The following CHCHD3 variants were observed in gnomAD, a reference collection of about 807,000 sequenced individuals.
CHCHD3 encodes the protein coiled-coil-helix-coiled-coil-helix domain containing 3.
Under a neutral mutation model 38.2 loss-of-function variants are expected in CHCHD3, and 20 were observed. The observed-to-expected ratio is 0.52, with a 90% CI of 0.37 to 0.76. The LOEUF is 0.76. Ranked by LOEUF, CHCHD3 falls within the 30% of genes least tolerant of loss-of-function variation. CHCHD3 has a pLI of 0.00. For synonymous variants in CHCHD3, 82 were observed against 100.0 expected, an observed-to-expected ratio of 0.82 and a Z score of 1.07; for missense variants, 245 against 279.2, an observed-to-expected ratio of 0.88 and a Z score of 0.87.
intron 4 of CHCHD3, among the ~76,000 whole-genome samples, chr7:132,963,031 G>T (rs1333390481): frequency 6.6e-6 from 1 of 151,598 alleles, no homozygotes; most frequent in Non-Finnish European, 1.5e-5. Flanking sequence ...TAAATTTATT[G>T]ATTTTGACAA....
intron 4 of CHCHD3, among the ~76,000 whole-genome samples, chr7:132,970,302 T>G (rs1186331299): frequency 1.3e-5 from 2 of 152,216 alleles, no homozygotes; most frequent in Non-Finnish European, 2.9e-5. Flanking sequence ...CCAGAAAATC[T>G]TTTCTATTCT....
At chr7:132,787,932 TG>T (rs1474815491) in intron 7 of CHCHD3, among the ~76,000 whole-genome samples, 2 of 152,088 alleles carry the variant, frequency 1.3e-5, no homozygotes, top group African/African-American at 4.8e-5. Context: ...GTAGGTGCAG[TG>T]GAAGATTGCT....
At chr7:132,918,179 A>G (rs1017445412) in intron 4 of CHCHD3, among the ~76,000 whole-genome samples, 3 of 152,358 alleles carry the variant, frequency 2.0e-5, no homozygotes, top group Middle Eastern at 3.4e-3. Context: ...AAAAAAATCT[A>G]TAGCATTGAA....
chr7:132,803,366 A>G (rs1806836482), intron 6 of CHCHD3, among the ~76,000 whole-genome samples: 1 of 151,508 alleles, frequency 6.6e-6, no homozygotes, highest in African/African-American at 2.5e-5. Flanking sequence ...TATTATTACT[A>G]TTATTAAATA....
intron 1 of CHCHD3, among the ~76,000 whole-genome samples, chr7:133,076,469 TTCAGCCCACTGAACTTGAC>T (rs1814994304): frequency 6.6e-6 from 1 of 152,208 alleles, no homozygotes. Context: ...TCTGCCGATA[TTCAGCCCACTGAACTTGAC>T]TGTCCACCCT....
At chr7:132,860,169 A>T (rs1808447812) in intron 5 of CHCHD3, among the ~76,000 whole-genome samples, 1 of 152,100 alleles carries the variant, frequency 6.6e-6, no homozygotes, top group Non-Finnish European at 1.5e-5. Context: ...GCTACTCTGG[A>T]GGCTGAGGCA....
intron 2 of CHCHD3, among the ~76,000 whole-genome samples, chr7:133,054,458 T>C (rs190896097): frequency 4.6e-5 from 7 of 152,264 alleles, no homozygotes; most frequent in Admixed American, 6.5e-5. Flanking sequence ...ATAAATATTA[T>C]ATAATGCAAG....
intron 5 of CHCHD3, among the ~76,000 whole-genome samples, chr7:132,868,296 G>A (rs1397773432): frequency 1.3e-5 from 2 of 152,114 alleles, no homozygotes; most frequent in Non-Finnish European, 2.9e-5. Flanking sequence ...ATTATTAGAT[G>A]TTTATACAGA....
chr7:132,820,987 T>G (rs1040914718), intron 6 of CHCHD3, among the ~76,000 whole-genome samples: 1 of 152,200 alleles, frequency 6.6e-6, no homozygotes, highest in Non-Finnish European at 1.5e-5. Context: ...TGTAGCATAT[T>G]AAAACAGAAT....
At chr7:132,874,256 C>A (rs940727658) in intron 5 of CHCHD3, among the ~76,000 whole-genome samples, 3 of 152,138 alleles carry the variant, frequency 2.0e-5, no homozygotes, top group Non-Finnish European at 4.4e-5. Context: ...CAGTTCTAAA[C>A]GTTTTACGAA....
intron 3 of CHCHD3, among the ~76,000 whole-genome samples, chr7:133,019,607 C>T (rs759165023): frequency 6.6e-6 from 1 of 151,938 alleles, no homozygotes; most frequent in African/African-American, 2.4e-5. Context: ...ACTAAAAGTG[C>T]GGGAAAAATC....
chr7:132,905,253 T>C (rs899020040), intron 4 of CHCHD3, among the ~76,000 whole-genome samples: 1 of 151,968 alleles, frequency 6.6e-6, no homozygotes, highest in African/African-American at 2.4e-5. Context: ...ATAATAATAC[T>C]AATTTAAAAA....
At chr7:133,079,818 T>A (rs1815115703) in intron 1 of CHCHD3, among the ~76,000 whole-genome samples, 1 of 152,242 alleles carries the variant, frequency 6.6e-6, no homozygotes, top group Admixed American at 6.5e-5. Flanking sequence ...CTGAGGTCTG[T>A]TTAATTTCAA....
chr7:133,022,856 G>GA (rs59201247), intron 3 of CHCHD3, among the ~76,000 whole-genome samples: 48,490 of 91,726 alleles, frequency 0.53, 8,909 homozygotes, highest in Admixed American at 0.58. Context: ...TGAAGAAGAA[G>GA]AAAAAAAAAA....
chr7:132,997,611 C>T (rs1459004392), intron 3 of CHCHD3, among the ~76,000 whole-genome samples: 5 of 145,850 alleles, frequency 3.4e-5, no homozygotes, highest in Non-Finnish European at 1.5e-5. Flanking sequence ...CTACCATTTT[C>T]CTGCATAGGA....
intron 6 of CHCHD3, among the ~76,000 whole-genome samples, chr7:132,829,899 A>C: frequency 6.6e-6 from 1 of 152,128 alleles, no homozygotes; most frequent in Non-Finnish European, 1.5e-5. Flanking sequence ...ATTCCCAATC[A>C]GCTTTGCCAT....
At chr7:132,923,823 C>A in intron 4 of CHCHD3, among the ~76,000 whole-genome samples, 1 of 152,102 alleles carries the variant, frequency 6.6e-6, no homozygotes, top group South Asian at 2.1e-4. Context: ...GCTATCCTAA[C>A]ATTAAAAAGA....
intron 4 of CHCHD3, among the ~76,000 whole-genome samples, chr7:132,935,230 A>G (rs1490688531): frequency 6.6e-6 from 1 of 152,264 alleles, no homozygotes; most frequent in Non-Finnish European, 1.5e-5. Context: ...CTGAGGCAGC[A>G]CATGAGCAAA....
intron 5 of CHCHD3, among the ~76,000 whole-genome samples, chr7:132,841,428 CAAAA>C (rs10599275): frequency 2.1e-5 from 3 of 141,080 alleles, no homozygotes; most frequent in Non-Finnish European, 3.1e-5. Flanking sequence ...ACAACAACAA[CAAAA>C]AAAAAAAAAC....
Sources: gnomAD v4.1 joint callset for allele counts (sites outside exome capture counted in the v4.1 genomes callset) on GRCh38, gnomAD v4.1.1 for gene constraint, MANE v1.5 for transcripts, NCBI Gene and HGNC (gene_info 2026-07-23, HGNC 2026-07-21) for gene names.